Variants in TDG observed in about 807,000 individuals in gnomAD.
The protein encoded by TDG is thymine DNA glycosylase.
In TDG, 23 loss-of-function variants were observed where a neutral mutation model predicts 46.1. The ratio of observed to expected loss-of-function variants is 0.50; its 90% CI spans 0.36 to 0.71. The LOEUF (loss-of-function observed/expected upper bound fraction) is 0.71, where lower values mean the gene tolerates loss of function less well. Among genes scored for constraint, TDG ranks in the 30% least tolerant of loss-of-function variants. TDG has a pLI of 0.00. For missense variants in TDG, 304 were observed against 486.7 expected, an observed-to-expected ratio of 0.62 and a Z score of 3.53; for synonymous variants, 115 against 161.3, an observed-to-expected ratio of 0.71 and a Z score of 2.18.
In TDG at chr12:103,988,262, G is replaced by A. The variant is rs1416860117; in HGVS notation, c.*1172G>A. On this transcript the variant is annotated 3_prime_UTR_variant, in exon 10 of 10. Transcript: ENST00000392872. Reference sequence around the variant, plus strand: ...ACTCCTGAATATTCTGATTTCATACGTACCCAGGGAGCATGCTGTTTTGTC... The same window carrying A: ...ACTCCTGAATATTCTGATTTCATACATACCCAGGGAGCATGCTGTTTTGTC... 5 of 152,348 alleles carry A rather than the reference G, an allele frequency of 3.3e-5. No homozygotes were observed. The South Asian group carries it at 6.2e-4, about 19-fold the overall frequency. 9.4% of individuals were successfully genotyped at this position (152,348 alleles called of 1,614,324 possible). A position where few individuals can be genotyped will look rare whatever the true frequency, so the allele number is the denominator to read the frequency against.
intron 1 of TDG, among the ~76,000 whole-genome samples, 159 bp downstream of exon 1, chr12:103,966,219 T>C (rs1046814409): frequency 6.6e-6 from 1 of 152,230 alleles, no homozygotes; most frequent in African/African-American, 2.4e-5. Flanking sequence ...TTTCCTTCCC[T>C]GGCTGCGGCG....
intron 8 of TDG, among the ~76,000 whole-genome samples, chr12:103,985,396 T>C (rs1315003770): frequency 1.3e-5 from 2 of 152,124 alleles, no homozygotes; most frequent in East Asian, 3.9e-4. Flanking sequence ...GTAAGAAATA[T>C]TGTACCCTAC....
Position 103,985,661 on chromosome 12 carries a change from A to C in TDG, c.1023A>C (p.Ala341=). The change falls in exon 9 of 10, where the codon GCA becomes GCC. Residue 341 remains alanine (A), a synonymous_variant. Coordinates refer to ENST00000392872, the MANE Select transcript of TDG (RefSeq NM_003211.6). The stretch of plus-strand genomic sequence containing the variant: ...AATATGATCCAGGTTATGAGGCAGC[A>C]TATGGTGGTGCTTACGGAGAAAATC... ...EEKYDPGYEA[A]YGGAYGENPC... is the part of the protein sequence containing the mutation. The C allele has an allele frequency of 1.2e-6, 2 of 1,614,164 alleles. No individual in the cohort carries two copies. The highest frequency in any genetic ancestry group is 1.7e-5 in the Admixed American group (1 of 60,032).
intron 1 of TDG, among the ~76,000 whole-genome samples, chr12:103,974,742 G>A (rs540087809): frequency 6.6e-6 from 1 of 151,960 alleles, no homozygotes; most frequent in Non-Finnish European, 1.5e-5. Context: ...AGGCTGAGGC[G>A]GGTGGATCGC....
rs375705839 is a variant in TDG at position 103,985,166 on chromosome 12, TACACACACACACACACAC to T, written c.964+272_964+289del. 3.5e-3 allele frequency among the ~76,000 whole-genome samples: 483 copies of T among 138,568 alleles called. 4 individuals carry two copies. The highest frequency in any genetic ancestry group is 0.012 in the African/African-American group (470 of 38,076). 90.9% of individuals were successfully genotyped at this position (138,568 alleles called of 152,430 possible). ...ATGTGTGTGTCTATATATAGACACA[TACACACACACACACACAC>T]ACACACACACACACACACACACACA... On this transcript the variant is annotated intron_variant, in intron 8 of 9. Coordinates refer to ENST00000392872, the MANE Select transcript of TDG (RefSeq NM_003211.6).
intron 2 of TDG, among the ~76,000 whole-genome samples, chr12:103,977,469 A>G (rs1037630128): frequency 6.6e-6 from 1 of 152,148 alleles, no homozygotes. Flanking sequence ...CAGAGTAGGG[A>G]CATGTCCAGG....
chr12:103,984,034 C>G (rs1035370790), intron 7 of TDG, among the ~76,000 whole-genome samples: 15 of 152,302 alleles, frequency 9.8e-5, no homozygotes, highest in Middle Eastern at 3.4e-3. Flanking sequence ...TATACAACAT[C>G]TTAACTGATG....
At chr12:103,973,650 CTAA>C (rs1208030693) in intron 1 of TDG, among the ~76,000 whole-genome samples, 1 of 152,114 alleles carries the variant, frequency 6.6e-6, no homozygotes, top group Non-Finnish European at 1.5e-5. Flanking sequence ...CATAGAGCTA[CTAA>C]TAATATTAAA....
At chr12:103,984,459 G>T (rs1872007665) in intron 7 of TDG, among the ~76,000 whole-genome samples, 1 of 152,128 alleles carries the variant, frequency 6.6e-6, no homozygotes, top group African/African-American at 2.4e-5. Context: ...GCCAGGCATG[G>T]TGGCATGCGC....
intron 1 of TDG, among the ~76,000 whole-genome samples, chr12:103,972,765 T>G (rs1215762668): frequency 6.6e-6 from 1 of 152,224 alleles, no homozygotes; most frequent in Non-Finnish European, 1.5e-5. Flanking sequence ...AAGTTCAGAT[T>G]ATTTTTCCTC....
Position 103,980,147 on chromosome 12 carries a change from A to G in TDG, c.408+75A>G, listed in dbSNP as rs759361487. 16 of 1,586,478 alleles carry G rather than the reference A, an allele frequency of 1.0e-5. No homozygotes were observed. The East Asian group carries it at 2.7e-4, about 27-fold the overall frequency. Reference sequence around the variant, plus strand: ...CTTTACTTAACAGTTGTCCTTGCAAATAGCATTTTGCTGAAAAGGACCATT... The same window carrying G: ...CTTTACTTAACAGTTGTCCTTGCAAGTAGCATTTTGCTGAAAAGGACCATT... On this transcript the variant is annotated intron_variant, in intron 3 of 9. Transcript: ENST00000392872.
intron 1 of TDG, among the ~76,000 whole-genome samples, chr12:103,969,442 T>A (rs1171793075): frequency 6.6e-6 from 1 of 152,232 alleles, no homozygotes; most frequent in Non-Finnish European, 1.5e-5. Context: ...AAGAGAGGTC[T>A]GTACTTATAT....
At chr12:103,978,829 A>G (rs1871666142) in intron 2 of TDG, among the ~76,000 whole-genome samples, 1 of 152,164 alleles carries the variant, frequency 6.6e-6, no homozygotes, top group South Asian at 2.1e-4. Flanking sequence ...ACTGGCATCT[A>G]GTGGGTAGAG....
At chr12:103,986,890 T>G in intron 9 of TDG, 58 bp from the exon 10 acceptor site, 2 of 1,589,122 alleles carry the variant, frequency 1.3e-6, no homozygotes, top group Non-Finnish European at 1.7e-6. Flanking sequence ...GTCTCTACTT[T>G]AAAAAAAGCA....
rs4135105 is a variant in TDG, at chr12:103,982,048, C to T, written c.479-751C>T. On this transcript the variant is annotated intron_variant, in intron 4 of 9. Coordinates refer to ENST00000392872, the MANE Select transcript of TDG (RefSeq NM_003211.6). ...AACAAGAAAACAAACAAAAAACAAG[C>T]GTAACTACTGTTGCATTGCCTTCTC... Among the ~76,000 whole-genome samples, 989 of 152,070 alleles carry T rather than the reference C, an allele frequency of 6.5e-3. 7 individuals are homozygous for T. Among genetic ancestry groups the T allele is most frequent in the Non-Finnish European group, 9.0e-3 (612 of 67,950 alleles).
At chr12:103,985,476 A>T in intron 8 of TDG, 127 bp from the exon 9 acceptor site, 2 of 1,121,726 alleles carry the variant, frequency 1.8e-6, no homozygotes, top group South Asian at 3.9e-5. Flanking sequence ...AGTTTAAAAG[A>T]TTAATAGAGA....
chr12:103,982,531 C>T (rs1279655872), intron 4 of TDG, among the ~76,000 whole-genome samples: 1 of 152,160 alleles, frequency 6.6e-6, no homozygotes, highest in African/African-American at 2.4e-5. Flanking sequence ...ATTTTGGAGG[C>T]TGAGGTGGGA....
intron 2 of TDG, among the ~76,000 whole-genome samples, chr12:103,977,826 G>A (rs1593512787): frequency 6.6e-6 from 1 of 152,148 alleles, no homozygotes; most frequent in African/African-American, 2.4e-5. Flanking sequence ...CACTTTGGAA[G>A]GCTGAGGCGG....
intron 1 of TDG, among the ~76,000 whole-genome samples, chr12:103,972,285 A>T (rs2136233404): frequency 6.6e-6 from 1 of 152,148 alleles, no homozygotes; most frequent in South Asian, 2.1e-4. Flanking sequence ...CGCCTGACTA[A>T]GTTTTGTATT....
Sources: gnomAD v4.1 joint callset for allele counts (sites outside exome capture counted in the v4.1 genomes callset) on GRCh38, gnomAD v4.1.1 for gene constraint, MANE v1.5 for transcripts, NCBI Gene and HGNC (gene_info 2026-07-23, HGNC 2026-07-21) for gene names.